Variants in MARCHF3 observed in about 807,000 individuals in gnomAD.
The protein encoded by MARCHF3 is E3 ubiquitin-protein ligase MARCHF3.
A neutral mutation model predicts 24.2 loss-of-function variants in MARCHF3; 13 were observed. That is an observed-to-expected ratio of 0.54 (90% CI 0.35 to 0.85). The LOEUF (loss-of-function observed/expected upper bound fraction) is 0.85, where lower values mean the gene tolerates loss of function less well. Ranked by LOEUF, MARCHF3 falls within the 40% of genes least tolerant of loss-of-function variation. The probability of loss-of-function intolerance (pLI) is 0.01; values close to 1 mark genes in which losing one functional copy is unlikely to be tolerated. For missense variants in MARCHF3, 276 were observed against 325.0 expected (o/e 0.85, Z 1.16); for synonymous variants, 144 against 137.3 (o/e 1.05, Z -0.34).
At chr5:126,879,764 A>G (rs1753286187) in intron 3 of MARCHF3, among the ~76,000 whole-genome samples, 2 of 152,242 alleles carry the variant, frequency 1.3e-5, no homozygotes, top group South Asian at 4.1e-4. Flanking sequence ...TGTTCCATGT[A>G]GTAAACAGAG....
In MARCHF3 at chr5:126,869,693, C is replaced by G. The variant is rs1752900132; in HGVS notation, c.*940G>C. On this transcript the variant is annotated 3_prime_UTR_variant, in exon 5 of 5. Transcript: ENST00000308660. ...ACAGGTCTAGGGTTCCTAGAAATGT[C>G]TAATGATCCTCCAATTCATTACGAA... 7.2e-6 allele frequency: 1 copy of G among 139,482 alleles called. No individual in the cohort carries two copies. The highest frequency in any genetic ancestry group is 2.7e-5 in the African/African-American group (1 of 37,438). 8.6% of individuals were successfully genotyped at this position (139,482 alleles called of 1,614,324 possible).
intron 1 of MARCHF3, among the ~76,000 whole-genome samples, chr5:126,930,859 G>A (rs1425193627): frequency 2.0e-5 from 3 of 152,190 alleles, no homozygotes; most frequent in Non-Finnish European, 1.5e-5. Context: ...TGTTCTCTAA[G>A]AGCAGGGGCA....
chr5:126,928,823 C>T (rs1002229034), intron 1 of MARCHF3, among the ~76,000 whole-genome samples: 35 of 152,064 alleles, frequency 2.3e-4, no homozygotes, highest in African/African-American at 8.0e-4. Flanking sequence ...TCCTTTCTTC[C>T]TTCCTTTTTA....
At chr5:126,968,880 A>C (rs1336452189) in intron 1 of MARCHF3, among the ~76,000 whole-genome samples, 1 of 152,154 alleles carries the variant, frequency 6.6e-6, no homozygotes, top group East Asian at 1.9e-4. Context: ...TTAAGTTGTA[A>C]GAATTCTTTA....
intron 3 of MARCHF3, among the ~76,000 whole-genome samples, chr5:126,905,980 G>A (rs1754278923): frequency 1.3e-5 from 2 of 151,862 alleles, no homozygotes; most frequent in South Asian, 4.2e-4. Flanking sequence ...ATTATTTTGA[G>A]ATACGTCCCA....
intron 1 of MARCHF3, among the ~76,000 whole-genome samples, chr5:126,980,185 T>G (rs1275929383): frequency 1.3e-5 from 2 of 152,058 alleles, no homozygotes; most frequent in Non-Finnish European, 2.9e-5. Flanking sequence ...CAGAGACTAG[T>G]AGATCCTGGA....
intron 3 of MARCHF3, among the ~76,000 whole-genome samples, chr5:126,884,613 CCT>C (rs1388837020): frequency 1.3e-5 from 2 of 152,204 alleles, no homozygotes; most frequent in Non-Finnish European, 1.5e-5. Context: ...ACCATCCACC[CCT>C]GTCACTTAGT....
chr5:126,960,323 G>A (rs771661537), intron 1 of MARCHF3, among the ~76,000 whole-genome samples: 3 of 152,072 alleles, frequency 2.0e-5, no homozygotes, highest in Middle Eastern at 3.2e-3. Context: ...CCAGAGATTT[G>A]AGTTCAGGCT....
At chr5:126,907,324 T>C (rs1371064842) in intron 3 of MARCHF3, among the ~76,000 whole-genome samples, 2 of 137,836 alleles carry the variant, frequency 1.5e-5, no homozygotes, top group Non-Finnish European at 3.1e-5. Context: ...TCTGTAGATG[T>C]CTATTAGGTC....
chr5:127,029,382 C>T (rs1298993629), intron 1 of MARCHF3, among the ~76,000 whole-genome samples: 1 of 152,188 alleles, frequency 6.6e-6, no homozygotes, highest in African/African-American at 2.4e-5. Context: ...AGCTCTTATT[C>T]ATGTCAAATA....
intron 3 of MARCHF3, among the ~76,000 whole-genome samples, chr5:126,910,061 G>A (rs1000639615): frequency 4.6e-5 from 7 of 152,112 alleles, no homozygotes; most frequent in African/African-American, 1.7e-4. Flanking sequence ...AGAGGAAATA[G>A]GAATACGGAA....
At chr5:126,951,704 G>A (rs1028645626) in intron 1 of MARCHF3, among the ~76,000 whole-genome samples, 1 of 152,092 alleles carries the variant, frequency 6.6e-6, no homozygotes, top group Non-Finnish European at 1.5e-5. Flanking sequence ...TCTTTTCCCT[G>A]TTGCTTTTGG....
intron 1 of MARCHF3, among the ~76,000 whole-genome samples, chr5:126,965,535 T>C (rs1445281580): frequency 6.6e-6 from 1 of 152,198 alleles, no homozygotes; most frequent in Non-Finnish European, 1.5e-5. Context: ...GGGGGAAAAT[T>C]TTTTAGGCTT....
chr5:127,003,540 A>G lies in MARCHF3; in HGVS notation c.-57+26810T>C, dbSNP rs571125977. ...GCCGAAGCGGGCGGATCACGAGGTCAGGAGATGGAGACCATCCTGTCTAAC... is the reference window on the plus strand; with the variant it reads ...GCCGAAGCGGGCGGATCACGAGGTCGGGAGATGGAGACCATCCTGTCTAAC... On this transcript the variant is annotated intron_variant, in intron 1 of 4. Transcript: ENST00000308660. Among the ~76,000 whole-genome samples the G allele has an allele frequency of 1.1e-3, 160 of 152,160 alleles. 1 individual carries two copies. Among genetic ancestry groups the G allele is most frequent in the African/African-American group, 3.7e-3 (153 of 41,482 alleles).
chr5:126,884,034 C>A (rs1753426705), intron 3 of MARCHF3, among the ~76,000 whole-genome samples: 1 of 152,208 alleles, frequency 6.6e-6, no homozygotes, highest in South Asian at 2.1e-4. Context: ...TGACACTTGG[C>A]AGAGTTATTA....
intron 3 of MARCHF3, among the ~76,000 whole-genome samples, chr5:126,895,429 C>G (rs1753850280): frequency 6.6e-6 from 1 of 152,004 alleles, no homozygotes; most frequent in Non-Finnish European, 1.5e-5. Flanking sequence ...GTTTTTTTCC[C>G]CATCTTTGTG....
At chr5:126,961,482 T>C (rs1156478352) in intron 1 of MARCHF3, among the ~76,000 whole-genome samples, 2 of 152,180 alleles carry the variant, frequency 1.3e-5, no homozygotes, top group East Asian at 1.9e-4. Context: ...GTTATGCTTA[T>C]GTTTATAAAA....
intron 1 of MARCHF3, among the ~76,000 whole-genome samples, chr5:127,023,688 G>A (rs1401954013): frequency 6.6e-6 from 1 of 151,362 alleles, no homozygotes; most frequent in African/African-American, 2.4e-5. Flanking sequence ...CTGAGATTGC[G>A]CCGCTGCACT....
chr5:126,991,689 C>T (rs62392909), intron 1 of MARCHF3, among the ~76,000 whole-genome samples: 2 of 151,854 alleles, frequency 1.3e-5, no homozygotes, highest in Admixed American at 6.6e-5. Context: ...CCACTGTACT[C>T]CAGCCTGGAC....
Sources: gnomAD v4.1 joint callset for allele counts (sites outside exome capture counted in the v4.1 genomes callset) on GRCh38, gnomAD v4.1.1 for gene constraint, MANE v1.5 for transcripts, NCBI Gene and HGNC (gene_info 2026-07-23, HGNC 2026-07-21) for gene names.